The following CHST1 variants were observed in gnomAD, a reference collection of about 807,000 sequenced individuals.
CHST1 encodes the protein carbohydrate sulfotransferase 1.
In CHST1, 10 loss-of-function variants were observed where a neutral mutation model predicts 22.5. The ratio of observed to expected loss-of-function variants is 0.44; its 90% confidence interval spans 0.27 to 0.75. The LOEUF is 0.75. Among genes scored for constraint, CHST1 ranks in the 30% least tolerant of loss-of-function variants. The pLI is 0.15. For missense variants in CHST1, 439 were observed against 576.1 expected (o/e 0.76, Z 2.44); for synonymous variants, 267 against 264.5 (o/e 1.01, Z -0.09).
At chr11:45,656,613 T>G (rs1852065094) in intron 1 of CHST1, among the ~76,000 whole-genome samples, 1 of 152,072 alleles carries the variant, frequency 6.6e-6, no homozygotes, top group Non-Finnish European at 1.5e-5. Flanking sequence ...TTGAGTTTAT[T>G]AATTTTGGGG....
At position 45,650,177 on chromosome 11, in the gene CHST1, G is replaced by C. The variant is rs761549838; in HGVS notation, c.747C>G (p.Asp249Glu). The C allele has an allele frequency of 1.2e-6, 2 of 1,612,852 alleles. No individual in the cohort carries two copies. The highest frequency in any genetic ancestry group is 2.7e-5 in the African/African-American group (2 of 74,954). Residue 249 changes from aspartate (D) to glutamate (E), a missense_variant, in exon 4 of 4, where the codon GAC becomes GAG. Coordinates refer to ENST00000308064, the MANE Select transcript of CHST1 (RefSeq NM_003654.6). ...ILASRSETFR[D>E]TYRLWRLWYG... ...ACCAGAGCCGCCAGAGCCGGTACGTGTCGCGGAAGGTCTCGCTGCGCGAAG... is the reference window on the plus strand; with the variant it reads ...ACCAGAGCCGCCAGAGCCGGTACGTCTCGCGGAAGGTCTCGCTGCGCGAAG...
At position 45,648,193 on chromosome 11, in the gene CHST1, C is replaced by T. The variant is rs572565708; in HGVS notation, c.*1495G>A. On this transcript the variant is annotated 3_prime_UTR_variant, in exon 4 of 4. Transcript: ENST00000308064. ...CAGCAGCCACTGCCCTGAGGCACCC[C>T]ACCCCTTGAAGTTTCCCCCTCCCTG... 2.0e-5 allele frequency among the ~76,000 whole-genome samples: 3 copies of T among 152,316 alleles called. No homozygotes were observed. The highest frequency in any genetic ancestry group is 2.1e-4 in the South Asian group (1 of 4,830).
chr11:45,664,272 G>T (rs899200951), intron 1 of CHST1, among the ~76,000 whole-genome samples: 5 of 152,182 alleles, frequency 3.3e-5, no homozygotes, highest in Admixed American at 6.5e-5. Context: ...GTCAATGGCC[G>T]GCCCAAGCCC....
In CHST1 at chr11:45,649,796, G is replaced by T; in HGVS notation, c.1128C>A (p.Cys376Ter). The part of the protein sequence containing the change: ...YDIVAFAQNA[C>*]QQVLAQLGYK... ...AGCCCAGCTGGGCCAGCACCTGCTG[G>T]CAGGCGTTCTGGGCAAAGGCCACGA... is the stretch of plus-strand genomic sequence containing the variant. The change falls in exon 4 of 4, where the codon TGC (cysteine) becomes TGA (stop). Residue 376 changes from cysteine (C) to a stop codon, truncating the protein, a stop_gained. Transcript: ENST00000308064. LOFTEE classifies it high-confidence loss of function. 1 of 1,611,940 alleles carries T rather than the reference G, an allele frequency of 6.2e-7. No individual in the cohort carries two copies. Among genetic ancestry groups the T allele is most frequent in the South Asian group, 1.1e-5 (1 of 91,076 alleles).
chr11:45,663,854 G>T (rs1852164606), intron 1 of CHST1, among the ~76,000 whole-genome samples: 1 of 152,210 alleles, frequency 6.6e-6, no homozygotes, highest in African/African-American at 2.4e-5. Flanking sequence ...GTAGGGAGGG[G>T]AATTGAATAG....
At chr11:45,661,459 G>A (rs772275956) in intron 1 of CHST1, among the ~76,000 whole-genome samples, 8 of 152,344 alleles carry the variant, frequency 5.3e-5, no homozygotes, top group Non-Finnish European at 8.8e-5. Context: ...GAGACCTGCC[G>A]GGGGTAGAAC....
intron 1 of CHST1, among the ~76,000 whole-genome samples, chr11:45,663,550 G>A (rs1852161152): frequency 6.6e-6 from 1 of 152,206 alleles, no homozygotes; most frequent in African/African-American, 2.4e-5. Flanking sequence ...TTTCTGCTTT[G>A]AGATGGGGAA....
In CHST1 at chr11:45,650,789, TCGCTCGGCCAGCCCGGCCTCTGCCAGC is replaced by T; in HGVS notation, c.108_134del (p.Ala38_Leu46del). Reference sequence around the variant, plus strand: ...CGAAGGTGGGGCTCTCCTCGCACAGTCGCTCGGCCAGCCCGGCCTCTGCCAGCCCGGGGCAGGTGTGAAAGGACTTGG... The same window carrying T: ...CGAAGGTGGGGCTCTCCTCGCACAGTCCGGGGCAGGTGTGAAAGGACTTGG... On this transcript the variant is annotated inframe_deletion, in exon 4 of 4. Transcript: ENST00000308064. 1.2e-6 allele frequency: 2 copies of T among 1,613,630 alleles called. No homozygotes were observed. The highest frequency in any genetic ancestry group is 8.5e-7 in the Non-Finnish European group (1 of 1,179,754).
Position 45,650,835 on chromosome 11 carries a change from G to C in CHST1, c.89C>G (p.Ser30Cys). The change falls in exon 4 of 4, where the codon TCC becomes TGC. Residue 30 changes from serine to cysteine, a missense_variant. Ser to Cys is a moderately radical substitution (Grantham distance 112). Transcript: ENST00000308064. ...YTAIRTFTAK[S>C]FHTCPGLAEA... ...TGCCAGCCCGGGGCAGGTGTGAAAG[G>C]ACTTGGCGGTGAAGGTGCGGATGGC... is the stretch of plus-strand genomic sequence containing the variant. The C allele has an allele frequency of 1.2e-6, 2 of 1,605,204 alleles. No individual in the cohort carries two copies. The highest frequency in any genetic ancestry group is 1.7e-6 in the Non-Finnish European group (2 of 1,174,826).
At chr11:45,653,665 G>A (rs1852026793) in intron 1 of CHST1, among the ~76,000 whole-genome samples, 1 of 152,168 alleles carries the variant, frequency 6.6e-6, no homozygotes. Context: ...CTGTTCTTTG[G>A]CTGCAGCATC....
At chr11:45,664,794 G>A (rs1043919557) in intron 1 of CHST1, among the ~76,000 whole-genome samples, 6 of 152,176 alleles carry the variant, frequency 3.9e-5, no homozygotes, top group Non-Finnish European at 7.4e-5. Context: ...GCGGGCGCGG[G>A]GACCTCAGGG....
At chr11:45,653,824 C>T (rs1364473802) in intron 1 of CHST1, among the ~76,000 whole-genome samples, 1 of 152,206 alleles carries the variant, frequency 6.6e-6, no homozygotes, top group Non-Finnish European at 1.5e-5. Flanking sequence ...CTCCCAGGCA[C>T]ATGCTTCTTT....
chr11:45,651,037 G>A, intron 3 of CHST1, 72 bp from the exon 4 acceptor site: 1 of 1,183,382 alleles, frequency 8.5e-7, no homozygotes, highest in Non-Finnish European at 1.1e-6. Context: ...GGAAGAGCCG[G>A]TCTCCAAGGG....
chr11:45,657,068 A>T (rs1245035170), intron 1 of CHST1, among the ~76,000 whole-genome samples: 1 of 152,180 alleles, frequency 6.6e-6, no homozygotes, highest in Non-Finnish European at 1.5e-5. Flanking sequence ...CTCAGGAGCC[A>T]TGATGAATGG....
intron 1 of CHST1, among the ~76,000 whole-genome samples, chr11:45,654,750 T>G (rs1590690390): frequency 6.6e-6 from 1 of 152,368 alleles, no homozygotes; most frequent in East Asian, 1.9e-4. Context: ...CTATCATTTC[T>G]GTTAGAAAGC....
chr11:45,648,347 T>G lies in CHST1; in HGVS notation c.*1341A>C, dbSNP rs1851942746. ...TACCACTTGTTAAAGACTTTGAACA[T>G]TATCCCTGGCTATAAGTTACCCGGT... On this transcript the variant is annotated 3_prime_UTR_variant, in exon 4 of 4. Coordinates refer to ENST00000308064, the MANE Select transcript of CHST1 (RefSeq NM_003654.6). 6.6e-6 allele frequency among the ~76,000 whole-genome samples: 1 copy of G among 151,962 alleles called. No individual in the cohort carries two copies. The highest frequency in any genetic ancestry group is 2.4e-5 in the African/African-American group (1 of 41,356).
chr11:45,650,214 C>T lies in CHST1; in HGVS notation c.710G>A (p.Arg237His). The change falls in exon 4 of 4, where the codon CGC becomes CAC. Residue 237 changes from arginine (R) to histidine (H), a missense_variant. Coordinates refer to ENST00000308064, the MANE Select transcript of CHST1 (RefSeq NM_003654.6). ...LKVIQLVRDP[R>H]GILASRSETF... ...CTCGCTGCGCGAAGCCAGAATGCCG[C>T]GGGGGTCTCGGACCAGCTGGATGAC... is the stretch of plus-strand genomic sequence containing the variant. 1 of 1,610,398 alleles carries T rather than the reference C, an allele frequency of 6.2e-7. No individual in the cohort carries two copies. The highest frequency in any genetic ancestry group is 8.5e-7 in the Non-Finnish European group (1 of 1,179,942).
rs189627395 is a variant in CHST1 at position 45,654,426 on chromosome 11, G to A, written c.-226-1820C>T. Among the ~76,000 whole-genome samples the A allele has an allele frequency of 3.1e-3, 468 of 152,372 alleles. 3 individuals carry two copies. Among genetic ancestry groups the A allele is most frequent in the African/African-American group, 0.01 (436 of 41,590 alleles). On this transcript the variant is annotated intron_variant, in intron 1 of 3. Transcript: ENST00000308064. ...GAGGGCAAAGCCAGGGAATGGGAACGGGAAGATGGGGGAAGTCCAGCCCTC... is the reference window on the plus strand; with the variant it reads ...GAGGGCAAAGCCAGGGAATGGGAACAGGAAGATGGGGGAAGTCCAGCCCTC...
intron 1 of CHST1, among the ~76,000 whole-genome samples, chr11:45,662,871 G>GC (rs35563661): frequency 6.6e-6 from 1 of 152,242 alleles, no homozygotes; most frequent in Middle Eastern, 3.4e-3. Flanking sequence ...GGGAGAGACA[G>GC]CCCCTCTGAC....
Sources: allele counts gnomAD v4.1 joint callset (sites outside exome capture counted in the v4.1 genomes callset), GRCh38; gene constraint gnomAD v4.1.1; transcripts MANE v1.5; gene names NCBI Gene and HGNC (gene_info 2026-07-23, HGNC 2026-07-21).